The following NAXD variants were observed in gnomAD, a reference collection of about 807,000 sequenced individuals.
NAXD encodes NAD(P)HX dehydratase.
A neutral mutation model predicts 35.8 loss-of-function variants in NAXD; 22 were observed. The observed-to-expected ratio is 0.62, with a 90% CI of 0.44 to 0.88. The LOEUF (loss-of-function observed/expected upper bound fraction) is 0.88. Among genes scored for constraint, NAXD ranks in the 40% least tolerant of loss-of-function variants. NAXD has a pLI of 0.00. For missense variants in NAXD, 428 were observed against 437.7 expected, an observed-to-expected ratio of 0.98 and a Z score of 0.20; for synonymous variants, 189 against 177.6, an observed-to-expected ratio of 1.06 and a Z score of -0.51.
At chr13:110,631,867 A>G (rs781580657) in intron 5 of NAXD, among the ~76,000 whole-genome samples, 14 of 152,320 alleles carry the variant, frequency 9.2e-5, no homozygotes, top group South Asian at 2.1e-4. Flanking sequence ...ACACTTTCCT[A>G]TGGCTGGAAT....
intron 3 of NAXD, 28 bp from the exon 4 acceptor site, chr13:110,625,162 G>A: frequency 6.3e-7 from 1 of 1,580,518 alleles, no homozygotes; most frequent in Non-Finnish European, 8.7e-7. Flanking sequence ...AGCGATCCCT[G>A]AGTCGGCCTC....
At position 110,625,173 on chromosome 13, in the gene NAXD, T is replaced by C. The variant is rs902708713; in HGVS notation, c.244-17T>C. On this transcript the variant is annotated splice_polypyrimidine_tract_variant and intron_variant, in intron 3 of 9. Transcript: ENST00000680254. Reference sequence around the variant, plus strand: ...CCGGAGCGATCCCTGAGTCGGCCTCTTGTGCTCCTTCATCAGGGCGCAGAC... The same window carrying C: ...CCGGAGCGATCCCTGAGTCGGCCTCCTGTGCTCCTTCATCAGGGCGCAGAC... The C allele has an allele frequency of 4.4e-6, 7 of 1,606,870 alleles. No individual in the cohort carries two copies. The highest frequency in any genetic ancestry group is 1.1e-5 in the South Asian group (1 of 90,946).
rs1886376330 is a variant in NAXD, at chr13:110,624,273, C to T, written c.237C>T (p.Leu79=). ...CATATTTTGCAGCAATCTCAGCTCT[C>T]AAAGTGGTATGTTTACTTAAAATTT... The part of the protein sequence containing the change: ...GAPYFAAISA[L]KVGADLSHVF... Residue 79 remains leucine (L), a synonymous_variant, in exon 3 of 10, where the codon CTC becomes CTT. Transcript: ENST00000680254. The T allele has an allele frequency of 1.2e-6, 2 of 1,601,704 alleles. No homozygotes were observed. The highest frequency in any genetic ancestry group is 1.7e-5 in the Admixed American group (1 of 59,872).
rs1024036133 is a variant in NAXD, at chr13:110,619,457, T to C, written c.47-2759T>C. Among the ~76,000 whole-genome samples, 3 of 152,232 alleles carry C rather than the reference T, an allele frequency of 2.0e-5. No individual in the cohort carries two copies. In the East Asian group the frequency reaches 5.8e-4, roughly 29 times the overall value. ...CAGGCAGGGTACATTGATATAAATGTTGATTTTTAACATCCGTAAGTTGAA... is the reference window on the plus strand; with the variant it reads ...CAGGCAGGGTACATTGATATAAATGCTGATTTTTAACATCCGTAAGTTGAA... On this transcript the variant is annotated intron_variant, in intron 1 of 9. Coordinates refer to ENST00000680254, the MANE Select transcript of NAXD (RefSeq NM_001242882.2).
chr13:110,630,352 G>T (rs1886656669), intron 5 of NAXD, among the ~76,000 whole-genome samples: 1 of 152,108 alleles, frequency 6.6e-6, no homozygotes, highest in Non-Finnish European at 1.5e-5. Flanking sequence ...CTTTGGAGAA[G>T]TGTCTATTCA....
chr13:110,637,719 A>G (rs1474445602), intron 9 of NAXD: 14 of 459,950 alleles, frequency 3.0e-5, no homozygotes, highest in Non-Finnish European at 1.3e-5. Flanking sequence ...AGCAGTTCCC[A>G]TACCTCTAAG....
chr13:110,638,978 C>T lies in NAXD; in HGVS notation c.*450C>T, dbSNP rs1594189226. On this transcript the variant is annotated 3_prime_UTR_variant, in exon 10 of 10. Transcript: ENST00000680254. This position sits in a 1 kb window ranked among gnomAD's most constrained non-coding sequence, Gnocchi z 5.4. ...GCTGGGCAGGGGTCCCCGGGTGTCT[C>T]CCTGAGTCCCGACTGCACTGACTGG... The T allele has an allele frequency of 2.8e-6, 1 of 352,640 alleles. No individual in the cohort carries two copies. Among genetic ancestry groups the T allele is most frequent in the African/African-American group, 2.1e-5 (1 of 46,880 alleles). The allele number at this position is 352,640 out of a possible 1,614,324, so 21.8% of individuals were successfully genotyped here. A position where few individuals can be genotyped will look rare whatever the true frequency, so the allele number is the denominator to read the frequency against.
At chr13:110,615,778 C>A in intron 1 of NAXD, 131 bp downstream of exon 1, 1 of 1,374,246 alleles carries the variant, frequency 7.3e-7, no homozygotes, top group Non-Finnish European at 9.4e-7. Context: ...GACGCAGGTA[C>A]CCGACCGCTG....
At chr13:110,631,215 C>T (rs1400833044) in intron 5 of NAXD, among the ~76,000 whole-genome samples, 1 of 152,182 alleles carries the variant, frequency 6.6e-6, no homozygotes, top group Non-Finnish European at 1.5e-5. Flanking sequence ...ACAGTGTGTC[C>T]TGGAGACTTT....
chr13:110,633,355 G>T (rs1282252486), intron 5 of NAXD, among the ~76,000 whole-genome samples: 1 of 152,222 alleles, frequency 6.6e-6, no homozygotes, highest in Admixed American at 6.5e-5. Context: ...CGCCCACCCG[G>T]AACTCCAGCT....
At chr13:110,618,417 G>A (rs1022331881) in intron 1 of NAXD, among the ~76,000 whole-genome samples, 5 of 152,176 alleles carry the variant, frequency 3.3e-5, no homozygotes, top group African/African-American at 1.2e-4. Context: ...AAGTTGCTGT[G>A]AAGGTGGTTT....
At chr13:110,637,320 C>G (rs534574113) in intron 9 of NAXD, 71 bp downstream of exon 9, 1 of 1,556,476 alleles carries the variant, frequency 6.4e-7, no homozygotes, top group Non-Finnish European at 8.8e-7. Flanking sequence ...GTAGCTCATG[C>G]GTTGAATAAG....
chr13:110,630,362 A>G (rs1393650287), intron 5 of NAXD, among the ~76,000 whole-genome samples: 13 of 151,944 alleles, frequency 8.6e-5, no homozygotes, highest in Non-Finnish European at 2.9e-5. Context: ...GTGTCTATTC[A>G]TACCCTTTCC....
Position 110,638,347 on chromosome 13 carries a change from C to A in NAXD, c.840-31C>A, listed in dbSNP as rs779879361. The A allele has an allele frequency of 6.2e-7, 1 of 1,613,838 alleles. No individual in the cohort carries two copies. Among genetic ancestry groups the A allele is most frequent in the Non-Finnish European group, 8.5e-7 (1 of 1,180,004 alleles). ...GCCCCCGGACCACGACGCCCACTTC[C>A]CCACACCTCCTGCTGTCCCCCTCTC... On this transcript the variant is annotated intron_variant, in intron 9 of 9. Transcript: ENST00000680254. This position sits in a 1 kb window ranked among gnomAD's most constrained non-coding sequence, Gnocchi z 5.4.
intron 4 of NAXD, among the ~76,000 whole-genome samples, chr13:110,627,210 C>A (rs533339815): frequency 1.3e-5 from 2 of 152,298 alleles, no homozygotes; most frequent in African/African-American, 2.4e-5. Context: ...TGAACTTGGT[C>A]ATGCTGATCC....
At chr13:110,632,936 C>G (rs1228989659) in intron 5 of NAXD, among the ~76,000 whole-genome samples, 1 of 152,186 alleles carries the variant, frequency 6.6e-6, no homozygotes, top group African/African-American at 2.4e-5. Context: ...TCTCCACATC[C>G]CCACCAGACT....
intron 1 of NAXD, among the ~76,000 whole-genome samples, chr13:110,620,967 C>T (rs1886241738): frequency 6.6e-6 from 1 of 152,206 alleles, no homozygotes. Context: ...TCTCTCATAG[C>T]CGAGCTGTTT....
intron 1 of NAXD, among the ~76,000 whole-genome samples, chr13:110,620,067 G>A (rs1198877972): frequency 6.6e-6 from 1 of 151,950 alleles, no homozygotes; most frequent in African/African-American, 2.4e-5. Context: ...CCAAAGTGCT[G>A]AGATTACAGC....
chr13:110,624,179 A>C (rs1481729205), intron 2 of NAXD, 55 bp from the exon 3 acceptor site: 2 of 965,490 alleles, frequency 2.1e-6, no homozygotes, highest in Non-Finnish European at 3.3e-6. Flanking sequence ...TTTATTGATC[A>C]AGGTATGCTT....
Sources: allele counts gnomAD v4.1 joint callset (sites outside exome capture counted in the v4.1 genomes callset), GRCh38; gene constraint gnomAD v4.1.1; non-coding constraint Gnocchi (gnomAD v3.1); transcripts MANE v1.5; gene names NCBI Gene and HGNC (gene_info 2026-07-23, HGNC 2026-07-21).